Variants in ESD observed in about 807,000 individuals in gnomAD.
ESD encodes S-formylglutathione hydrolase.
In ESD, 34 loss-of-function variants were observed where a neutral mutation model predicts 38.1. The ratio of observed to expected loss-of-function variants is 0.89; its 90% CI spans 0.68 to 1.19. ESD has a LOEUF of 1.19. ESD is among the 50% of genes most tolerant of loss of function. The pLI is 0.00. For missense variants in ESD, 334 were observed against 327.2 expected (o/e 1.02, Z -0.16); for synonymous variants, 97 against 107.0 (o/e 0.91, Z 0.58).
chr13:46,789,428 C>T (rs1875311942), intron 3 of ESD, among the ~76,000 whole-genome samples: 1 of 152,184 alleles, frequency 6.6e-6, no homozygotes, highest in South Asian at 2.1e-4. Flanking sequence ...TGACCTAAAC[C>T]TTTGAAAAAT....
At chr13:46,788,673 CAA>C (rs10599927) in intron 3 of ESD, among the ~76,000 whole-genome samples, 6,267 of 82,332 alleles carry the variant, frequency 0.076, 394 homozygotes, top group African/African-American at 0.2. Flanking sequence ...TATGTAAAAG[CAA>C]AAAAAAAAAA....
At chr13:46,776,778 A>G (rs1566277540) in intron 9 of ESD, 1 of 152,114 alleles carries the variant, frequency 6.6e-6, no homozygotes, top group Non-Finnish European at 1.5e-5. Flanking sequence ...ATGACCATGT[A>G]TAATTTTCAG....
chr13:46,776,307 T>C (rs921872425), intron 9 of ESD: 5 of 152,152 alleles, frequency 3.3e-5, no homozygotes, highest in African/African-American at 1.2e-4. Context: ...AAAATATCCC[T>C]AAAAACAGGA....
intron 1 of ESD, among the ~76,000 whole-genome samples, chr13:46,796,822 C>T (rs1416263626): frequency 1.3e-5 from 2 of 152,242 alleles, no homozygotes; most frequent in Non-Finnish European, 1.5e-5. Flanking sequence ...AAAAGCTGTA[C>T]AAATGTAGCG....
intron 9 of ESD, among the ~76,000 whole-genome samples, chr13:46,773,995 T>A (rs1874701287): frequency 6.6e-6 from 1 of 152,212 alleles, no homozygotes; most frequent in Admixed American, 6.5e-5. Flanking sequence ...CTGCCATTTT[T>A]CACAGATCAA....
intron 9 of ESD, chr13:46,775,464 CT>C (rs1874761163): frequency 7.2e-6 from 2 of 278,804 alleles, no homozygotes; most frequent in African/African-American, 4.5e-5. Context: ...TTTTTTACAG[CT>C]TCTATCCCAC....
intron 9 of ESD, chr13:46,777,000 C>T (rs1874820656): frequency 6.6e-6 from 1 of 151,976 alleles, no homozygotes; most frequent in Non-Finnish European, 1.5e-5. Context: ...TATCAAGTAG[C>T]ACAATGAATA....
chr13:46,785,941 T>C (rs748150891), intron 4 of ESD, among the ~76,000 whole-genome samples: 1 of 151,936 alleles, frequency 6.6e-6, no homozygotes, highest in Non-Finnish European at 1.5e-5. Flanking sequence ...AAAAACTAAA[T>C]ACAGCTCTGG....
At chr13:46,777,676 T>C (rs1874853415) in intron 8 of ESD, 53 bp from the exon 9 acceptor site, 7 of 1,374,832 alleles carry the variant, frequency 5.1e-6, no homozygotes, top group Middle Eastern at 1.9e-4. Context: ...CTCTTCAGGA[T>C]ATACTATACT....
At chr13:46,776,630 GC>G (rs1362025227) in intron 9 of ESD, 2 of 152,048 alleles carry the variant, frequency 1.3e-5, no homozygotes, top group Non-Finnish European at 2.9e-5. Flanking sequence ...ATGAGTTAAT[GC>G]TGTGAAAGCA....
chr13:46,791,145 T>G (rs547908523), intron 3 of ESD, among the ~76,000 whole-genome samples: 2 of 152,310 alleles, frequency 1.3e-5, no homozygotes, highest in South Asian at 4.1e-4. Context: ...GATACTTCTC[T>G]GTTAAGGCTC....
Position 46,796,852 on chromosome 13 carries a change from C to A in ESD, c.-56+253G>T, listed in dbSNP as rs142756597. ...GTAGCGGGCAGTAGGTAAACGGGCGCTCGCCCCGGGTTACACTAGGTTGGA... is the reference window on the plus strand; with the variant it reads ...GTAGCGGGCAGTAGGTAAACGGGCGATCGCCCCGGGTTACACTAGGTTGGA... On this transcript the variant is annotated intron_variant, in intron 1 of 9. Transcript: ENST00000378720. 6.5e-3 allele frequency among the ~76,000 whole-genome samples: 991 copies of A among 152,356 alleles called. 13 individuals carry two copies. Among genetic ancestry groups the A allele is most frequent in the African/African-American group, 0.022 (929 of 41,584 alleles).
chr13:46,776,090 T>C (rs1452687667), intron 9 of ESD: 5 of 155,388 alleles, frequency 3.2e-5, no homozygotes, highest in African/African-American at 1.2e-4. Flanking sequence ...TAGCTATAGT[T>C]ATTGCAGTTA....
At chr13:46,788,758 A>G (rs902910895) in intron 3 of ESD, among the ~76,000 whole-genome samples, 13 of 151,860 alleles carry the variant, frequency 8.6e-5, no homozygotes, top group Non-Finnish European at 1.8e-4. Flanking sequence ...ATGTTGCTCA[A>G]TTACCAAAAG....
chr13:46,775,618 A>G, intron 9 of ESD: 2 of 470,604 alleles, frequency 4.2e-6, no homozygotes, highest in South Asian at 3.1e-5. Context: ...ATGCTCATTC[A>G]GTTGTTGATT....
intron 3 of ESD, 132 bp downstream of exon 3, chr13:46,791,214 C>T (rs1427858800): frequency 4.7e-6 from 3 of 639,152 alleles, no homozygotes; most frequent in Non-Finnish European, 5.4e-6. Context: ...AAATACATAA[C>T]CACAGAAAGA....
At chr13:46,771,960 T>C (rs1874621838) in intron 9 of ESD, among the ~76,000 whole-genome samples, 1 of 152,098 alleles carries the variant, frequency 6.6e-6, no homozygotes. Flanking sequence ...CTTAGAAACA[T>C]GGGCAAGACA....
intron 1 of ESD, among the ~76,000 whole-genome samples, chr13:46,794,037 T>C (rs1875487177): frequency 6.6e-6 from 1 of 152,146 alleles, no homozygotes; most frequent in African/African-American, 2.4e-5. Flanking sequence ...CTGGTAGATT[T>C]CATTTAGGCT....
At chr13:46,778,159 G>A (rs373878358) in intron 8 of ESD, among the ~76,000 whole-genome samples, 1 of 151,760 alleles carries the variant, frequency 6.6e-6, no homozygotes, top group East Asian at 1.9e-4. Context: ...TAAGCTTTCA[G>A]AAACACCTGG....
Sources: allele counts gnomAD v4.1 joint callset (sites outside exome capture counted in the v4.1 genomes callset), GRCh38; gene constraint gnomAD v4.1.1; transcripts MANE v1.5; gene names NCBI Gene and HGNC (gene_info 2026-07-23, HGNC 2026-07-21).